The following GRIP1 variants were observed in gnomAD, a reference collection of about 807,000 sequenced individuals.
GRIP1 encodes the protein glutamate receptor interacting protein 1, also known as glutamate receptor-interacting protein 1.
GRIP1 carries 45 observed loss-of-function variants against 129.9 expected under a neutral mutation model. The ratio of observed to expected loss-of-function variants is 0.35; its 90% CI spans 0.27 to 0.44. The LOEUF is 0.44. GRIP1 is among the 20% of genes least tolerant of loss of function. The probability of loss-of-function intolerance (pLI) is 1.00; values close to 1 mark genes in which losing one functional copy is unlikely to be tolerated. For missense variants in GRIP1, 1,196 were observed against 1,396.8 expected, an observed-to-expected ratio of 0.86 and a Z score of 2.29; for synonymous variants, 530 against 520.8, an observed-to-expected ratio of 1.02 and a Z score of -0.24.
intron 1 of GRIP1, among the ~76,000 whole-genome samples, chr12:67,038,521 GGTTT>G (rs902700981): frequency 1.5e-4 from 23 of 152,048 alleles, no homozygotes; most frequent in African/African-American, 4.8e-4. Context: ...GAAATGTTTG[GGTTT>G]GTTTGTTTGT....
At chr12:66,537,368 G>T (rs1041672697) in intron 4 of GRIP1, among the ~76,000 whole-genome samples, 5 of 152,026 alleles carry the variant, frequency 3.3e-5, no homozygotes, top group Non-Finnish European at 5.9e-5. Flanking sequence ...CTTGTGGAAA[G>T]GATTAAATAA....
Position 66,907,783 on chromosome 12 carries a change from T to C in GRIP1, c.58+161267A>G, listed in dbSNP as rs369545612. On this transcript the variant is annotated intron_variant, in intron 1 of 1. Coordinates refer to the GRIP1 transcript ENST00000643019. ...CAACAAAGAAAGGGGAGAAAACAGGTAGAAAAGTAAAACAGAAAGAGATTC... is the reference window on the plus strand; with the variant it reads ...CAACAAAGAAAGGGGAGAAAACAGGCAGAAAAGTAAAACAGAAAGAGATTC... 1.7e-4 allele frequency among the ~76,000 whole-genome samples: 26 copies of C among 152,118 alleles called. No homozygotes were observed. The South Asian group carries it at 5.4e-3, about 32-fold the overall frequency.
intron 2 of GRIP1, chr12:66,568,213 C>A (rs1040187432): frequency 5.4e-6 from 1 of 186,284 alleles, no homozygotes; most frequent in South Asian, 1.2e-4. Context: ...ACTGAAAGAT[C>A]TTGCTAAAAT....
intron 1 of GRIP1, among the ~76,000 whole-genome samples, chr12:66,657,426 C>A (rs538715998): frequency 2.2e-4 from 33 of 152,292 alleles, no homozygotes; most frequent in Non-Finnish European, 4.1e-4. Context: ...AAAAAGGTGG[C>A]AGGGACTGGC....
At chr12:66,424,803 T>A (rs2057926978) in intron 14 of GRIP1, among the ~76,000 whole-genome samples, 1 of 152,228 alleles carries the variant, frequency 6.6e-6, no homozygotes, top group South Asian at 2.1e-4. Context: ...TCCCAGGATA[T>A]ATAAATCTTC....
intron 4 of GRIP1, among the ~76,000 whole-genome samples, chr12:66,536,629 G>A (rs530863275): frequency 6.6e-6 from 1 of 152,036 alleles, no homozygotes; most frequent in African/African-American, 2.4e-5. Flanking sequence ...CACCCTATTT[G>A]CAATTGTATT....
intron 7 of GRIP1, among the ~76,000 whole-genome samples, chr12:66,475,342 A>T (rs959613369): frequency 6.6e-6 from 1 of 152,172 alleles, no homozygotes; most frequent in African/African-American, 2.4e-5. Flanking sequence ...GTCCTTAGAG[A>T]CCTACAAAGA....
In GRIP1 at chr12:66,830,346, C is replaced by T. The variant is rs372116222; in HGVS notation, c.59-233419G>A. On this transcript the variant is annotated intron_variant, in intron 1 of 1. Transcript: ENST00000643019. ...TACCTAGATGGGCCCAAGGTAATCA[C>T]AAAAGTTTACATGAGGGAGGTAAGA... Among the ~76,000 whole-genome samples, 10 of 151,878 alleles carry T rather than the reference C, an allele frequency of 6.6e-5. 1 individual carries two copies. Among genetic ancestry groups the T allele is most frequent in the African/African-American group, 2.2e-4 (9 of 41,324 alleles).
intron 15 of GRIP1, among the ~76,000 whole-genome samples, chr12:66,409,730 T>G (rs1261194840): frequency 2.0e-5 from 3 of 152,212 alleles, no homozygotes; most frequent in Non-Finnish European, 4.4e-5. Flanking sequence ...GAAATAGAGA[T>G]GTATGGCCTT....
intron 1 of GRIP1, among the ~76,000 whole-genome samples, chr12:66,935,457 T>C (rs2041468133): frequency 6.6e-6 from 1 of 152,114 alleles, no homozygotes; most frequent in African/African-American, 2.4e-5. Context: ...AGACCAATTA[T>C]GTGATTAAAG....
At chr12:66,646,641 G>C (rs1177290200) in intron 1 of GRIP1, among the ~76,000 whole-genome samples, 2 of 152,158 alleles carry the variant, frequency 1.3e-5, no homozygotes, top group South Asian at 4.1e-4. Context: ...CTGGAATCTT[G>C]AGATATTTTT....
chr12:66,569,718 C>T (rs185022653), intron 2 of GRIP1, among the ~76,000 whole-genome samples: 2 of 152,274 alleles, frequency 1.3e-5, no homozygotes, highest in East Asian at 1.9e-4. Context: ...AAGACCCCCA[C>T]ACTCTGTGCC....
chr12:66,403,235 AG>A (rs1433648282), intron 16 of GRIP1, among the ~76,000 whole-genome samples: 1 of 152,208 alleles, frequency 6.6e-6, no homozygotes, highest in Non-Finnish European at 1.5e-5. Flanking sequence ...CCATCACCCA[AG>A]TGGTGTACAC....
intron 1 of GRIP1, among the ~76,000 whole-genome samples, chr12:66,883,941 T>C (rs1448434427): frequency 6.6e-6 from 1 of 152,254 alleles, no homozygotes; most frequent in Non-Finnish European, 1.5e-5. Flanking sequence ...ATTAGCATAA[T>C]GCCTGGCACA....
chr12:66,939,027 G>T (rs1342118637), intron 1 of GRIP1, among the ~76,000 whole-genome samples: 1 of 92,748 alleles, frequency 1.1e-5, no homozygotes, highest in East Asian at 3.3e-4. Context: ...GGAAAAAGGG[G>T]GTATAGTTGA....
chr12:66,920,253 TTAACAG>T (rs1230816443), intron 1 of GRIP1, among the ~76,000 whole-genome samples: 2 of 152,158 alleles, frequency 1.3e-5, no homozygotes, highest in Non-Finnish European at 2.9e-5. Flanking sequence ...TTCCACCTAA[TTAACAG>T]AGTATGCCAG....
intron 1 of GRIP1, among the ~76,000 whole-genome samples, chr12:66,633,065 C>T (rs887676652): frequency 7.9e-5 from 12 of 151,482 alleles, no homozygotes; most frequent in African/African-American, 1.2e-4. Context: ...AAGGCTAGAG[C>T]GCAGTGACAC....
intron 1 of GRIP1, among the ~76,000 whole-genome samples, chr12:66,962,476 C>T (rs552401538): frequency 1.3e-5 from 2 of 152,106 alleles, no homozygotes; most frequent in African/African-American, 4.8e-5. Flanking sequence ...CTAAACAGTG[C>T]GACTTAGACT....
chr12:67,035,398 C>T (rs986295218), intron 1 of GRIP1: 2 of 152,158 alleles, frequency 1.3e-5, no homozygotes, highest in South Asian at 4.1e-4. Flanking sequence ...TCTGCCTGTC[C>T]TTCAGGACAC....
Sources: allele counts gnomAD v4.1 joint callset (sites outside exome capture counted in the v4.1 genomes callset), GRCh38; gene constraint gnomAD v4.1.1; transcripts MANE v1.5; gene names NCBI Gene and HGNC (gene_info 2026-07-23, HGNC 2026-07-21).